Variants in XRCC6 observed in about 807,000 individuals in gnomAD.
XRCC6 encodes X-ray repair cross complementing 6, also known as DNA repair protein Ku70.
A neutral mutation model predicts 65.7 loss-of-function variants in XRCC6; 5 were observed. That is an observed-to-expected ratio of 0.08 (90% CI 0.04 to 0.16). The LOEUF (loss-of-function observed/expected upper bound fraction) is 0.16. Among genes scored for constraint, XRCC6 ranks in the 10% least tolerant of loss-of-function variants. The pLI is 1.00. For missense variants in XRCC6, 447 were observed against 738.1 expected, an observed-to-expected ratio of 0.61 and a Z score of 4.57; for synonymous variants, 270 against 270.6, an observed-to-expected ratio of 1.00 and a Z score of 0.02.
chr22:41,657,124 C>CT, intron 10 of XRCC6, 92 bp downstream of exon 10: 2 of 1,423,252 alleles, frequency 1.4e-6, no homozygotes, highest in South Asian at 3.1e-5. Flanking sequence ...TGGCACTACT[C>CT]TTTTCAGCAA....
chr22:41,638,654 G>A (rs190463660), intron 6 of XRCC6, among the ~76,000 whole-genome samples: 16 of 151,682 alleles, frequency 1.1e-4, no homozygotes, highest in East Asian at 3.9e-4. Flanking sequence ...ACGTGATGGC[G>A]CGCGCCTGTA....
At chr22:41,663,370 G>A (rs374862495) in intron 12 of XRCC6, among the ~76,000 whole-genome samples, 3 of 152,324 alleles carry the variant, frequency 2.0e-5, no homozygotes, top group South Asian at 4.1e-4. Context: ...TACCCAGAGT[G>A]AGCAACAGTT....
Position 41,663,847 on chromosome 22 carries a change from A to G in XRCC6, c.*32A>G, listed in dbSNP as rs762512379. On this transcript the variant is annotated 3_prime_UTR_variant, in exon 13 of 13. Coordinates refer to ENST00000360079, the MANE Select transcript of XRCC6 (RefSeq NM_001469.5). ...GCCGCGCGTCCAGCTGCCCTTCCGC[A>G]GTGTGGCCAGGCTGCCTGGCCTTGT... 2.5e-6 allele frequency: 4 copies of G among 1,598,896 alleles called. No homozygotes were observed. Among genetic ancestry groups the G allele is most frequent in the South Asian group, 1.1e-5 (1 of 90,482 alleles).
At chr22:41,634,605 C>T (rs28384721) in intron 3 of XRCC6, among the ~76,000 whole-genome samples, 2,570 of 149,494 alleles carry the variant, frequency 0.017, 74 homozygotes, top group African/African-American at 0.059. Context: ...AGTGCAGTGG[C>T]GCAATCTCAG....
chr22:41,630,127 G>A (rs2067724029), intron 3 of XRCC6, among the ~76,000 whole-genome samples: 1 of 151,818 alleles, frequency 6.6e-6, no homozygotes, highest in Non-Finnish European at 1.5e-5. Context: ...GAGATTACAG[G>A]CACGTGTCAC....
intron 11 of XRCC6, among the ~76,000 whole-genome samples, chr22:41,659,510 TTG>T (rs986674800): frequency 3.3e-5 from 5 of 151,762 alleles, no homozygotes; most frequent in African/African-American, 1.2e-4. Flanking sequence ...ACGGCCTATT[TTG>T]TGTTTTTATT....
At chr22:41,655,150 G>A (rs2068033235) in intron 9 of XRCC6, among the ~76,000 whole-genome samples, 1 of 152,116 alleles carries the variant, frequency 6.6e-6, no homozygotes, top group African/African-American at 2.4e-5. Flanking sequence ...AAGCACAAGT[G>A]TAGTGGTGCT....
At chr22:41,626,130 G>T (rs2067668114) in intron 2 of XRCC6, among the ~76,000 whole-genome samples, 1 of 151,046 alleles carries the variant, frequency 6.6e-6, no homozygotes, top group African/African-American at 2.4e-5. Flanking sequence ...GAGCCACCGT[G>T]CTTGGCCATT....
chr22:41,653,893 C>T (rs754249902), intron 9 of XRCC6, among the ~76,000 whole-genome samples: 2 of 152,094 alleles, frequency 1.3e-5, no homozygotes, highest in Non-Finnish European at 2.9e-5. Flanking sequence ...CATGCGCAGC[C>T]GTACAAGGCT....
intron 5 of XRCC6, 99 bp downstream of exon 5, chr22:41,636,869 T>TC: frequency 1.2e-5 from 18 of 1,449,326 alleles, no homozygotes; most frequent in Non-Finnish European, 1.6e-5. Context: ...AGCCTCAGCC[T>TC]CCCAAGTAGC....
At chr22:41,628,012 T>G (rs2067697248) in intron 2 of XRCC6, 106 bp from the exon 3 acceptor site, 1 of 687,482 alleles carries the variant, frequency 1.5e-6, no homozygotes, top group African/African-American at 1.8e-5. Context: ...GTTCACCTTA[T>G]AATAATTTAT....
chr22:41,661,282 C>G, intron 11 of XRCC6, 49 bp from the exon 12 acceptor site: 1 of 1,533,182 alleles, frequency 6.5e-7, no homozygotes, highest in Non-Finnish European at 8.9e-7. Flanking sequence ...GGACAGCAAG[C>G]TGGGGCTCGT....
chr22:41,647,581 CAAAAA>C (rs34674929), intron 7 of XRCC6, among the ~76,000 whole-genome samples: 1 of 134,276 alleles, frequency 7.4e-6, no homozygotes, highest in Non-Finnish European at 1.6e-5. Flanking sequence ...AACTCCGTCT[CAAAAA>C]AAAAAAAAAA....
chr22:41,622,282 T>G (rs1013838361), intron 2 of XRCC6, among the ~76,000 whole-genome samples, 196 bp downstream of exon 2: 2 of 152,070 alleles, frequency 1.3e-5, no homozygotes, highest in Non-Finnish European at 2.9e-5. Context: ...GTGCCCTAAG[T>G]TTTTTTTGGA....
chr22:41,632,019 T>A (rs1426830560), intron 3 of XRCC6, among the ~76,000 whole-genome samples: 1 of 151,974 alleles, frequency 6.6e-6, no homozygotes, highest in African/African-American at 2.4e-5. Flanking sequence ...TCGCAGGTGC[T>A]CGGCAGGCTG....
chr22:41,625,460 A>G (rs1367509172), intron 2 of XRCC6, among the ~76,000 whole-genome samples: 1 of 152,180 alleles, frequency 6.6e-6, no homozygotes, highest in Non-Finnish European at 1.5e-5. Flanking sequence ...ATGAAACCCC[A>G]TGTCTACTAA....
chr22:41,664,004 T>G lies in XRCC6; in HGVS notation c.*189T>G. 1.6e-6 allele frequency: 1 copy of G among 638,808 alleles called. No individual in the cohort carries two copies. The highest frequency in any genetic ancestry group is 3.0e-5 in the Admixed American group (1 of 33,538). The allele number at this position is 638,808 out of a possible 1,614,324, so 39.6% of individuals were successfully genotyped here. ...GCCCTCCCACTTTGCTGTTCCTTAC[T>G]TTACTGCCTGAATAAAGAGCCCTAA... On this transcript the variant is annotated 3_prime_UTR_variant, in exon 13 of 13. Transcript: ENST00000360079.
In XRCC6 at chr22:41,650,680, C is replaced by T; in HGVS notation, c.961-43C>T. 3 of 1,598,008 alleles carry T rather than the reference C, an allele frequency of 1.9e-6. No individual in the cohort carries two copies. In the East Asian group the frequency reaches 6.7e-5, roughly 36 times the overall value. Reference sequence around the variant, plus strand: ...TCATCTTCGAGTTATTTTGCATCTCCTCGTAGCCTTCCCATTTGATCCTTG... The same window carrying T: ...TCATCTTCGAGTTATTTTGCATCTCTTCGTAGCCTTCCCATTTGATCCTTG... On this transcript the variant is annotated intron_variant, in intron 7 of 12. Coordinates refer to ENST00000360079, the MANE Select transcript of XRCC6 (RefSeq NM_001469.5).
At chr22:41,638,776 CAAAAAA>C (rs56677816) in intron 6 of XRCC6, among the ~76,000 whole-genome samples, 9 of 65,702 alleles carry the variant, frequency 1.4e-4, no homozygotes, top group Admixed American at 3.8e-4. Context: ...GACTCCGCCT[CAAAAAA>C]AAAAAAAAAA....
Sources: gnomAD v4.1 joint callset for allele counts (sites outside exome capture counted in the v4.1 genomes callset) on GRCh38, gnomAD v4.1.1 for gene constraint, MANE v1.5 for transcripts, NCBI Gene and HGNC (gene_info 2026-07-23, HGNC 2026-07-21) for gene names.